Variants in ANKMY1 observed in about 807,000 individuals in gnomAD.
ANKMY1 encodes the protein ankyrin repeat and MYND domain-containing protein 1.
Under a neutral mutation model 102.0 loss-of-function variants are expected in ANKMY1, and 98 were observed. The ratio of observed to expected loss-of-function variants is 0.96; its 90% confidence interval spans 0.82 to 1.14. The LOEUF (loss-of-function observed/expected upper bound fraction) is 1.14, where lower values mean the gene tolerates loss of function less well. Among genes scored for constraint, ANKMY1 ranks in the 50% most tolerant of loss-of-function variants. The pLI is 0.00. For missense variants in ANKMY1, 1,330 were observed against 1,347.6 expected (o/e 0.99, Z 0.20); for synonymous variants, 582 against 559.9 (o/e 1.04, Z -0.56).
At chr2:240,540,487 A>G (rs1025689114) in intron 4 of ANKMY1, among the ~76,000 whole-genome samples, 4 of 152,228 alleles carry the variant, frequency 2.6e-5, no homozygotes, top group Non-Finnish European at 5.9e-5. Flanking sequence ...AAAGTGTCAA[A>G]GAACTGAAAC....
At position 240,513,051 on chromosome 2, in the gene ANKMY1, A is replaced by G; in HGVS notation, c.2005-109T>C. The G allele has an allele frequency of 2.1e-6, 3 of 1,435,220 alleles. No individual in the cohort carries two copies. In the South Asian group the frequency reaches 4.1e-5, roughly 20 times the overall value. 88.9% of individuals were successfully genotyped at this position (1,435,220 alleles called of 1,614,324 possible). A position where few individuals can be genotyped will look rare whatever the true frequency, so the allele number is the denominator to read the frequency against. The stretch of plus-strand genomic sequence containing the variant: ...GGGAAATGGCTGAGACTCCAAGGGC[A>G]CCATTCTCAGCCTCACCTGCCTCAC... On this transcript the variant is annotated intron_variant, in intron 9 of 17. Transcript: ENST00000401804.
chr2:240,477,685 T>A (rs1240448919), downstream of ANKMY1, among the ~76,000 whole-genome samples: 3 of 152,210 alleles, frequency 2.0e-5, no homozygotes, highest in Non-Finnish European at 4.4e-5. Flanking sequence ...CCTCCCCCAG[T>A]TATTTTTATC....
At chr2:240,488,671 T>A (rs1422639535) in intron 15 of ANKMY1, among the ~76,000 whole-genome samples, 3 of 152,180 alleles carry the variant, frequency 2.0e-5, no homozygotes. Context: ...TAGTTTTCCT[T>A]ATGGAGATCC....
chr2:240,518,927 G>A (rs1008078688), intron 9 of ANKMY1, among the ~76,000 whole-genome samples: 1 of 152,160 alleles, frequency 6.6e-6, no homozygotes, highest in Non-Finnish European at 1.5e-5. Flanking sequence ...AGTGAGACCC[G>A]CCTGCCCTCA....
At chr2:240,538,386 T>A (rs2087520263) in intron 4 of ANKMY1, among the ~76,000 whole-genome samples, 1 of 152,096 alleles carries the variant, frequency 6.6e-6, no homozygotes, top group African/African-American at 2.4e-5. Flanking sequence ...CACCAGCCGG[T>A]GCCACTTGCC....
At chr2:240,507,256 G>C (rs1575022580) in intron 13 of ANKMY1, among the ~76,000 whole-genome samples, 1 of 152,058 alleles carries the variant, frequency 6.6e-6, no homozygotes, top group Admixed American at 6.5e-5. Flanking sequence ...ATGACAGCCA[G>C]GCAGAGAAGT....
At chr2:240,484,612 C>G (rs2075828351) in intron 15 of ANKMY1, among the ~76,000 whole-genome samples, 1 of 152,140 alleles carries the variant, frequency 6.6e-6, no homozygotes, top group Non-Finnish European at 1.5e-5. Flanking sequence ...AGAAGAAAAC[C>G]TAGGCAATAC....
At chr2:240,512,964 G>C in intron 9 of ANKMY1, 22 bp from the exon 10 acceptor site, 2 of 1,605,100 alleles carry the variant, frequency 1.2e-6, no homozygotes, top group Non-Finnish European at 1.7e-6. Flanking sequence ...ACACCGGGGC[G>C]GGCAGTGAGG....
chr2:240,504,649 G>A (rs2078753594), intron 13 of ANKMY1, among the ~76,000 whole-genome samples: 1 of 151,994 alleles, frequency 6.6e-6, no homozygotes, highest in Non-Finnish European at 1.5e-5. Context: ...TATAGAAATG[G>A]CCAATAAGCA....
At position 240,516,150 on chromosome 2, in the gene ANKMY1, G is replaced by T. The variant is rs200958696; in HGVS notation, c.2005-3208C>A. ...ATCAAAGAGTAAAGGTTTTTGTGGGGTTTTTTTTTTTTTGAAATATTTGAA... is the reference window on the plus strand; with the variant it reads ...ATCAAAGAGTAAAGGTTTTTGTGGGTTTTTTTTTTTTTTGAAATATTTGAA... On this transcript the variant is annotated intron_variant, in intron 9 of 17. Coordinates refer to ENST00000401804, the MANE Select transcript of ANKMY1 (RefSeq NM_001282771.3). 6.1e-4 allele frequency among the ~76,000 whole-genome samples: 88 copies of T among 145,254 alleles called. 1 individual carries two copies. Among genetic ancestry groups the T allele is most frequent in the South Asian group, 5.6e-3 (26 of 4,632 alleles).
At chr2:240,468,974 G>T in the ANKMY1 span, among the ~76,000 whole-genome samples, 758 of 152,322 alleles carry the variant, frequency 5.0e-3, 4 homozygotes, top group African/African-American at 0.017. Context: ...AGTCCCAGAG[G>T]CCCGGCTCCT....
At chr2:240,536,061 A>G (rs1052086524) in intron 4 of ANKMY1, among the ~76,000 whole-genome samples, 1 of 152,234 alleles carries the variant, frequency 6.6e-6, no homozygotes, top group African/African-American at 2.4e-5. Context: ...ATAACAAAAA[A>G]CTATCTAGAG....
chr2:240,499,621 CCA>C lies in ANKMY1; in HGVS notation c.2806+335_2806+336del, dbSNP rs1421006830. On this transcript the variant is annotated intron_variant, in intron 15 of 17. Transcript: ENST00000401804. The surrounding 1 kb of genome is among the most constrained non-coding windows in gnomAD (Gnocchi z 4.2). Reference sequence around the variant, plus strand: ...GGGAGCAGCACCCCAGGCCTCGGGCCCACAGTCCCTGTGCCGGATAGACTGGC... The same window carrying C: ...GGGAGCAGCACCCCAGGCCTCGGGCCCAGTCCCTGTGCCGGATAGACTGGC... Among the ~76,000 whole-genome samples the C allele has an allele frequency of 1.3e-5, 2 of 151,986 alleles. No individual in the cohort carries two copies. The highest frequency in any genetic ancestry group is 2.9e-5 in the Non-Finnish European group (2 of 67,940).
At chr2:240,485,593 T>C (rs1459679769) in intron 15 of ANKMY1, among the ~76,000 whole-genome samples, 1 of 152,084 alleles carries the variant, frequency 6.6e-6, no homozygotes, top group African/African-American at 2.4e-5. Context: ...TCTTTTTTTT[T>C]TTTCTTTTCT....
chr2:240,495,188 T>A (rs115187926), intron 15 of ANKMY1, among the ~76,000 whole-genome samples: 20,374 of 152,132 alleles, frequency 0.13, 1,484 homozygotes, highest in Non-Finnish European at 0.16. Flanking sequence ...AAGCGGACCG[T>A]GGTCTAGCGG....
chr2:240,486,961 G>A (rs1479186726), intron 15 of ANKMY1, among the ~76,000 whole-genome samples: 1 of 152,188 alleles, frequency 6.6e-6, no homozygotes, highest in Non-Finnish European at 1.5e-5. Context: ...TTTGTGACAT[G>A]TATATACTGT....
intron 1 of ANKMY1, 147 bp downstream of exon 1, chr2:240,557,734 C>G (rs2092541719): frequency 2.3e-6 from 1 of 440,898 alleles, no homozygotes; most frequent in Non-Finnish European, 3.0e-6. Flanking sequence ...CGGGAGACGC[C>G]GCGCCCACCT....
upstream of ANKMY1, chr2:240,558,144 C>T (rs568273789): frequency 9.6e-4 from 203 of 211,370 alleles, 1 homozygote; most frequent in African/African-American, 4.4e-3. Context: ...CCGCGGGCCT[C>T]GGTGCCAGCC....
In ANKMY1 at chr2:240,499,176, G is replaced by A. The variant is rs890022360; in HGVS notation, c.2806+782C>T. On this transcript the variant is annotated intron_variant, in intron 15 of 17. Coordinates refer to ENST00000401804, the MANE Select transcript of ANKMY1 (RefSeq NM_001282771.3). This position sits in a 1 kb window ranked among gnomAD's most constrained non-coding sequence, Gnocchi z 4.2. ...TGCTGAGGGCTCGGTGTGGGGGCGG[G>A]ATCAGCAGGTTCCGGTGTGTGTGTG... Among the ~76,000 whole-genome samples, 3 of 152,138 alleles carry A rather than the reference G, an allele frequency of 2.0e-5. No individual in the cohort carries two copies. Among genetic ancestry groups the A allele is most frequent in the African/African-American group, 7.2e-5 (3 of 41,420 alleles).
Sources: allele counts gnomAD v4.1 joint callset (sites outside exome capture counted in the v4.1 genomes callset), GRCh38; gene constraint gnomAD v4.1.1; non-coding constraint Gnocchi (gnomAD v3.1); transcripts MANE v1.5; gene names NCBI Gene and HGNC (gene_info 2026-07-23, HGNC 2026-07-21).